COL13A1: variants seen among roughly 807,000 people sequenced by gnomAD.
COL13A1 encodes collagen alpha-1(XIII) chain.
In COL13A1, 89 loss-of-function variants were observed where a neutral mutation model predicts 130.9. That is an observed-to-expected ratio of 0.68 (90% confidence interval 0.57 to 0.81). The LOEUF (loss-of-function observed/expected upper bound fraction) is 0.81. Ranked by LOEUF, COL13A1 falls within the 30% of genes least tolerant of loss-of-function variation. The pLI is 0.00. For missense variants in COL13A1, 879 were observed against 934.6 expected, an observed-to-expected ratio of 0.94 and a Z score of 0.78; for synonymous variants, 402 against 341.6, an observed-to-expected ratio of 1.18 and a Z score of -1.95.
chr10:69,923,879 A>G (rs1407655774), intron 24 of COL13A1, 24 bp downstream of exon 24: 4 of 1,608,792 alleles, frequency 2.5e-6, no homozygotes, highest in Non-Finnish European at 3.4e-6. Flanking sequence ...CACATCCCAG[A>G]GCTGCAAGAT....
In COL13A1 at chr10:69,880,294, T is replaced by C. The variant is rs3858158; in HGVS notation, c.463-209T>C. ...GCCCTTCCCAACCCATTCTGAATGC[T>C]CCCTCCTTGCCCCTGTGCCCTCTGT... On this transcript the variant is annotated intron_variant, in intron 6 of 40. Coordinates refer to ENST00000645393, the MANE Select transcript of COL13A1 (RefSeq NM_001368882.1). 0.18 allele frequency among the ~76,000 whole-genome samples: 26,550 copies of C among 151,210 alleles called. 3,109 individuals carry two copies. Among genetic ancestry groups the C allele is most frequent in the East Asian group, 0.47 (2,416 of 5,128 alleles).
chr10:69,937,737 A>C, intron 34 of COL13A1, 22 bp downstream of exon 34: 1 of 1,179,964 alleles, frequency 8.5e-7, no homozygotes, highest in Non-Finnish European at 1.3e-6. Flanking sequence ...GGACCCAGCA[A>C]GACTGGTGGG....
rs72805194 is a variant in COL13A1, at chr10:69,944,425, T to G, written c.1968+247T>G. Among the ~76,000 whole-genome samples, 17,566 of 151,852 alleles carry G rather than the reference T, an allele frequency of 0.12. 1,138 individuals are homozygous for G. Among genetic ancestry groups the G allele is most frequent in the Middle Eastern group, 0.3 (88 of 294 alleles). On this transcript the variant is annotated intron_variant, in intron 36 of 40. Transcript: ENST00000645393. Reference sequence around the variant, plus strand: ...AATCCCAACACTCTGGGAGGCCAGGTTGGGAGGATCACTTGAGCTCAGGAG... The same window carrying G: ...AATCCCAACACTCTGGGAGGCCAGGGTGGGAGGATCACTTGAGCTCAGGAG...
At chr10:69,954,819 G>A (rs890229804) in intron 39 of COL13A1, 1 of 152,262 alleles carries the variant, frequency 6.6e-6, no homozygotes, top group African/African-American at 2.4e-5. Context: ...GAGACGGAAA[G>A]GTCAAGAATG....
intron 38 of COL13A1, 67 bp downstream of exon 38, chr10:69,947,409 T>G: frequency 6.9e-7 from 1 of 1,440,298 alleles, no homozygotes; most frequent in Non-Finnish European, 9.6e-7. Context: ...GAATGATCGA[T>G]CGGTGATTCC....
intron 2 of COL13A1, among the ~76,000 whole-genome samples, chr10:69,823,466 C>A (rs1290151274): frequency 6.6e-6 from 1 of 152,172 alleles, no homozygotes; most frequent in Non-Finnish European, 1.5e-5. Context: ...GCCAGCTCAG[C>A]GTGTGGCCTC....
chr10:69,892,837 AT>A (rs2061314727), intron 10 of COL13A1, among the ~76,000 whole-genome samples: 1 of 152,188 alleles, frequency 6.6e-6, no homozygotes, highest in South Asian at 2.1e-4. Flanking sequence ...AAATAAAACC[AT>A]GTGGGACAAA....
At chr10:69,804,809 CAAAAAAAAAAAAAAAAA>C (rs57098368) in intron 1 of COL13A1, among the ~76,000 whole-genome samples, 214 of 75,390 alleles carry the variant, frequency 2.8e-3, no homozygotes, top group African/African-American at 7.6e-3. Context: ...ATGTCGTGTG[CAAAAAAAAAAAAAAAAA>C]AAAAAAAAAA....
chr10:69,824,432 C>A (rs1276331298), intron 2 of COL13A1, among the ~76,000 whole-genome samples: 1 of 152,154 alleles, frequency 6.6e-6, no homozygotes. Context: ...GTGGGTGGTT[C>A]TCAAGAGGTT....
At chr10:69,861,342 T>G (rs1263423433) in intron 2 of COL13A1, among the ~76,000 whole-genome samples, 1 of 152,130 alleles carries the variant, frequency 6.6e-6, no homozygotes, top group Non-Finnish European at 1.5e-5. Context: ...TAGCTAGTAG[T>G]ATGGAGTCCT....
intron 1 of COL13A1, among the ~76,000 whole-genome samples, chr10:69,821,614 T>C (rs1169951496): frequency 6.6e-6 from 1 of 152,226 alleles, no homozygotes; most frequent in Admixed American, 6.5e-5. Context: ...GAAATATCCC[T>C]GTTAATGGCT....
At chr10:69,926,307 C>T (rs765870746) in intron 26 of COL13A1, among the ~76,000 whole-genome samples, 11 of 152,246 alleles carry the variant, frequency 7.2e-5, no homozygotes, top group Admixed American at 2.6e-4. Flanking sequence ...CATGAGCTCC[C>T]GCTCCCCACC....
At chr10:69,816,365 T>C (rs1461425772) in intron 1 of COL13A1, among the ~76,000 whole-genome samples, 4 of 148,166 alleles carry the variant, frequency 2.7e-5, no homozygotes, top group Admixed American at 6.8e-5. Flanking sequence ...CAAGGAGGAG[T>C]TGGGAGAGTC....
At position 69,958,763 on chromosome 10, in the gene COL13A1, GT is replaced by G; in HGVS notation, c.*66del. ...TACATAGAATATTTATTTTTATACA[GT>G]TTTCACTTTTTGAAAATGCCAGAAG... On this transcript the variant is annotated 3_prime_UTR_variant, in exon 41 of 41. Coordinates refer to ENST00000645393, the MANE Select transcript of COL13A1 (RefSeq NM_001368882.1). 1 of 1,604,896 alleles carries G rather than the reference GT, an allele frequency of 6.2e-7. No homozygotes were observed. Among genetic ancestry groups the G allele is most frequent in the South Asian group, 1.1e-5 (1 of 89,198 alleles).
At chr10:69,860,074 A>G (rs1857537710) in intron 2 of COL13A1, among the ~76,000 whole-genome samples, 2 of 152,214 alleles carry the variant, frequency 1.3e-5, no homozygotes, top group Admixed American at 1.3e-4. Flanking sequence ...CGGAAGGCAG[A>G]GTCAGGGGGT....
At chr10:69,848,456 G>T (rs931671588) in intron 2 of COL13A1, among the ~76,000 whole-genome samples, 11 of 152,126 alleles carry the variant, frequency 7.2e-5, no homozygotes, top group Non-Finnish European at 2.9e-5. Context: ...AAAGAAACTT[G>T]CCTGGGGCTC....
At chr10:69,816,066 G>C (rs184915945) in intron 1 of COL13A1, among the ~76,000 whole-genome samples, 8 of 151,584 alleles carry the variant, frequency 5.3e-5, no homozygotes, top group Admixed American at 3.3e-4. Flanking sequence ...AGAAAGCCCA[G>C]CATGTATGAG....
intron 17 of COL13A1, among the ~76,000 whole-genome samples, chr10:69,914,654 C>T (rs2063730374): frequency 6.6e-6 from 1 of 152,160 alleles, no homozygotes; most frequent in Non-Finnish European, 1.5e-5. Context: ...CCACCTGCAC[C>T]CACACCAGAG....
At chr10:69,890,525 TG>T (rs1349393341) in intron 10 of COL13A1, among the ~76,000 whole-genome samples, 7 of 152,212 alleles carry the variant, frequency 4.6e-5, no homozygotes, top group Admixed American at 3.3e-4. Context: ...CCCTGTTCAG[TG>T]GGGGCCTGGC....
Sources: gnomAD v4.1 joint callset for allele counts (sites outside exome capture counted in the v4.1 genomes callset) on GRCh38, gnomAD v4.1.1 for gene constraint, MANE v1.5 for transcripts, NCBI Gene and HGNC (gene_info 2026-07-23, HGNC 2026-07-21) for gene names.